The following FAM169A variants were observed in gnomAD, a reference collection of about 807,000 sequenced individuals.
FAM169A encodes soluble lamin-associated protein of 75 kDa.
FAM169A carries 24 observed loss-of-function variants against 75.7 expected under a neutral mutation model. That is an observed-to-expected ratio of 0.32 (90% CI 0.23 to 0.45). The LOEUF is 0.45. Among genes scored for constraint, FAM169A ranks in the 20% least tolerant of loss-of-function variants. The pLI, the probability that FAM169A is intolerant of heterozygous loss-of-function variation, is 1.00. For synonymous variants in FAM169A, 271 were observed against 271.0 expected (o/e 1.00, Z 0.00); for missense variants, 673 against 784.0 (o/e 0.86, Z 1.69).
intron 1 of FAM169A, among the ~76,000 whole-genome samples, chr5:74,844,850 TA>T (rs1749069491): frequency 6.6e-6 from 1 of 152,124 alleles, no homozygotes. Flanking sequence ...ACTTATGATC[TA>T]AATCAAATAC....
At chr5:74,825,782 T>A (rs1747991890) in intron 5 of FAM169A, among the ~76,000 whole-genome samples, 1 of 152,174 alleles carries the variant, frequency 6.6e-6, no homozygotes, top group Non-Finnish European at 1.5e-5. Flanking sequence ...ACGTTTTGAT[T>A]CTTGATCTTT....
intron 5 of FAM169A, among the ~76,000 whole-genome samples, chr5:74,833,930 A>G (rs529223245): frequency 2.0e-5 from 3 of 152,282 alleles, no homozygotes; most frequent in Admixed American, 2.0e-4. Context: ...ACAATTTCAA[A>G]GCTGTTTGTA....
chr5:74,798,198 G>A (rs908782210), intron 10 of FAM169A, among the ~76,000 whole-genome samples: 3 of 152,090 alleles, frequency 2.0e-5, no homozygotes, highest in Non-Finnish European at 4.4e-5. Flanking sequence ...TCCGCCTTAC[G>A]GTGCTCTTAA....
intron 10 of FAM169A, among the ~76,000 whole-genome samples, chr5:74,797,021 C>T (rs1010078970): frequency 2.0e-4 from 30 of 152,192 alleles, no homozygotes; most frequent in African/African-American, 7.0e-4. Flanking sequence ...AATTCAGCTT[C>T]AGACTTGTAG....
At chr5:74,801,779 A>C in intron 8 of FAM169A, 150 bp from the exon 9 acceptor site, 3 of 648,202 alleles carry the variant, frequency 4.6e-6, no homozygotes, top group Non-Finnish European at 8.1e-6. Context: ...TAAAAAGGTT[A>C]TAGTTCAGCT....
intron 3 of FAM169A, 29 bp from the exon 4 acceptor site, chr5:74,839,079 T>C (rs1211029499): frequency 1.3e-6 from 2 of 1,539,590 alleles, no homozygotes; most frequent in South Asian, 1.1e-5. Context: ...TCATTAACAC[T>C]TGAGTTTTAA....
chr5:74,863,584 T>C (rs1009303565), intron 1 of FAM169A, among the ~76,000 whole-genome samples: 1 of 152,192 alleles, frequency 6.6e-6, no homozygotes, highest in Non-Finnish European at 1.5e-5. Flanking sequence ...AAAAAGTAAA[T>C]CTTACTGAAT....
rs756399557 is a variant in FAM169A, at chr5:74,801,626, C to A, written c.916G>T (p.Asp306Tyr). 3 of 1,607,230 alleles carry A rather than the reference C, an allele frequency of 1.9e-6. No homozygotes were observed. Among genetic ancestry groups the A allele is most frequent in the Admixed American group, 3.4e-5 (2 of 58,644 alleles). Residue 306 changes from aspartate (D) to tyrosine (Y), a missense_variant, in exon 9 of 13, where the codon GAT becomes TAT. Asp to Tyr is a radical substitution (Grantham distance 160). Around this residue, in one of 3 missense-constraint regions of FAM169A, gnomAD observed 510 missense variants for 550.9 expected, o/e 0.93. Coordinates refer to ENST00000687041, the MANE Select transcript of FAM169A (RefSeq NM_001376049.1). ...CTTGCAAAGGCATCTTTTAGAGAAT[C>A]AATCTAAAAAAGAGAGAGATTCAAA... ...NQSSEMQLTI[D>Y]SLKDAFASTS...
intron 1 of FAM169A, among the ~76,000 whole-genome samples, chr5:74,860,793 A>T (rs1749991122): frequency 6.6e-6 from 1 of 150,900 alleles, no homozygotes; most frequent in Non-Finnish European, 1.5e-5. Context: ...CACAATCCAT[A>T]AATGCAGGGA....
At chr5:74,862,743 T>C (rs978029220) in intron 1 of FAM169A, among the ~76,000 whole-genome samples, 1 of 152,240 alleles carries the variant, frequency 6.6e-6, no homozygotes, top group Non-Finnish European at 1.5e-5. Context: ...ACAAATAAAG[T>C]GTGACAACAT....
At position 74,814,036 on chromosome 5, in the gene FAM169A, A is replaced by G. The variant is rs1561303440; in HGVS notation, c.491-17T>C. ...ATATGCTTCCTGCAGTAATAAGAAC[A>G]GAAACCCAATAATTTCTCACATTAA... On this transcript the variant is annotated splice_polypyrimidine_tract_variant and intron_variant, in intron 5 of 12. Coordinates refer to ENST00000687041, the MANE Select transcript of FAM169A (RefSeq NM_001376049.1). 6.8e-7 allele frequency: 1 copy of G among 1,480,584 alleles called. No homozygotes were observed. Among genetic ancestry groups the G allele is most frequent in the East Asian group, 2.4e-5 (1 of 41,502 alleles). 91.7% of individuals were successfully genotyped at this position (1,480,584 alleles called of 1,614,324 possible).
At chr5:74,803,215 C>T (rs564461386) in intron 8 of FAM169A, among the ~76,000 whole-genome samples, 2 of 152,000 alleles carry the variant, frequency 1.3e-5, no homozygotes, top group Admixed American at 1.3e-4. Context: ...TAAAGTAAAT[C>T]ATTGCTCTCG....
At chr5:74,861,077 C>G (rs1032698362) in intron 1 of FAM169A, among the ~76,000 whole-genome samples, 18 of 152,258 alleles carry the variant, frequency 1.2e-4, no homozygotes, top group African/African-American at 3.6e-4. Context: ...GCTGACCTTG[C>G]GGTGAGCTGA....
At position 74,787,202 on chromosome 5, in the gene FAM169A, AG is replaced by A. The variant is rs556606980; in HGVS notation, c.1261-4069del. The stretch of plus-strand genomic sequence containing the variant: ...GTTAAGGGTGTGGGATGATGGTGGA[AG>A]GAACATAGAGTTCGATCAGGCTGAA... On this transcript the variant is annotated intron_variant, in intron 11 of 12. Coordinates refer to ENST00000687041, the MANE Select transcript of FAM169A (RefSeq NM_001376049.1). Among the ~76,000 whole-genome samples the A allele has an allele frequency of 2.6e-4, 39 of 152,330 alleles. No homozygotes were observed. The South Asian group carries it at 7.9e-3, about 31-fold the overall frequency.
At chr5:74,785,282 G>A (rs1745639931) in intron 11 of FAM169A, among the ~76,000 whole-genome samples, 1 of 152,122 alleles carries the variant, frequency 6.6e-6, no homozygotes, top group Non-Finnish European at 1.5e-5. Context: ...TTGCACCACT[G>A]CATTCCAGCC....
At chr5:74,859,022 T>G (rs879282002) in intron 1 of FAM169A, among the ~76,000 whole-genome samples, 6 of 152,028 alleles carry the variant, frequency 3.9e-5, no homozygotes, top group Non-Finnish European at 7.3e-5. Flanking sequence ...AAGATGGGCC[T>G]GGCCAACATG....
At chr5:74,790,880 TC>T (rs1745941578) in intron 11 of FAM169A, among the ~76,000 whole-genome samples, 1 of 152,168 alleles carries the variant, frequency 6.6e-6, no homozygotes. Flanking sequence ...ACACTGGACC[TC>T]TTCTATCATG....
intron 11 of FAM169A, among the ~76,000 whole-genome samples, chr5:74,789,433 T>C (rs1053314539): frequency 6.6e-6 from 1 of 152,216 alleles, no homozygotes; most frequent in African/African-American, 2.4e-5. Context: ...ACAGCACAAG[T>C]TGGCCTATTT....
chr5:74,786,753 A>T (rs1269840218), intron 11 of FAM169A, among the ~76,000 whole-genome samples: 1 of 152,218 alleles, frequency 6.6e-6, no homozygotes, highest in Non-Finnish European at 1.5e-5. Flanking sequence ...GAAATTGTGG[A>T]AAATCAGACA....
Sources: allele counts gnomAD v4.1 joint callset (sites outside exome capture counted in the v4.1 genomes callset), GRCh38; gene constraint gnomAD v4.1.1; regional missense constraint gnomAD v4.1.1; transcripts MANE v1.5; gene names NCBI Gene and HGNC (gene_info 2026-07-23, HGNC 2026-07-21).